ZNF385D: variants seen among roughly 807,000 people sequenced by gnomAD.
The protein encoded by ZNF385D is zinc finger protein 385D.
ZNF385D carries 15 observed loss-of-function variants against 35.8 expected under a neutral mutation model. The observed-to-expected ratio is 0.42, with a 90% CI of 0.28 to 0.64. The LOEUF (loss-of-function observed/expected upper bound fraction) is 0.64. Among genes scored for constraint, ZNF385D ranks in the 30% least tolerant of loss-of-function variants. ZNF385D has a pLI of 0.23. For synonymous variants in ZNF385D, 212 were observed against 186.8 expected, an observed-to-expected ratio of 1.13 and a Z score of -1.10; for missense variants, 474 against 494.6, an observed-to-expected ratio of 0.96 and a Z score of 0.39.
At chr3:21,446,133 A>T (rs547813631) in intron 4 of ZNF385D, among the ~76,000 whole-genome samples, 1 of 152,200 alleles carries the variant, frequency 6.6e-6, no homozygotes, top group African/African-American at 2.4e-5. Context: ...GAATATTTGC[A>T]TTTCTAACAA....
intron 2 of ZNF385D, among the ~76,000 whole-genome samples, chr3:21,585,903 T>A (rs1335986756): frequency 6.6e-6 from 1 of 152,172 alleles, no homozygotes; most frequent in Non-Finnish European, 1.5e-5. Context: ...GCGCAGTAGC[T>A]CATGTCTGTA....
intron 3 of ZNF385D, among the ~76,000 whole-genome samples, chr3:22,001,393 G>A (rs1472966719): frequency 6.6e-6 from 1 of 151,834 alleles, no homozygotes; most frequent in African/African-American, 2.4e-5. Flanking sequence ...GACAAAGAAA[G>A]TCATTATATA....
intron 2 of ZNF385D, among the ~76,000 whole-genome samples, chr3:21,613,469 GT>G (rs1243163878): frequency 1.3e-5 from 2 of 151,806 alleles, no homozygotes; most frequent in Non-Finnish European, 2.9e-5. Flanking sequence ...TTAGAAGCAG[GT>G]TTTACAAGCA....
intron 2 of ZNF385D, among the ~76,000 whole-genome samples, chr3:22,221,386 C>A (rs1184685445): frequency 6.6e-6 from 1 of 151,982 alleles, no homozygotes; most frequent in Non-Finnish European, 1.5e-5. Context: ...CATATATACC[C>A]CCCCACCTCA....
chr3:21,484,901 G>A (rs1194369092), intron 4 of ZNF385D, among the ~76,000 whole-genome samples: 1 of 152,046 alleles, frequency 6.6e-6, no homozygotes, highest in Non-Finnish European at 1.5e-5. Context: ...TGCCCAGACC[G>A]GCATATATAG....
chr3:21,955,988 C>T (rs1479966), intron 3 of ZNF385D, among the ~76,000 whole-genome samples: 103,682 of 151,826 alleles, frequency 0.68, 36,531 homozygotes, highest in Non-Finnish European at 0.77. Context: ...GTATATGAAA[C>T]GAGCTTGGAA....
chr3:22,164,488 A>C (rs1706183325), intron 3 of ZNF385D, among the ~76,000 whole-genome samples: 1 of 151,832 alleles, frequency 6.6e-6, no homozygotes, highest in Non-Finnish European at 1.5e-5. Context: ...TGATCTCCCA[A>C]AGTGCTAGGA....
chr3:22,045,598 T>C lies in ZNF385D; in HGVS notation c.325+123219A>G, dbSNP rs1435302157. On this transcript the variant is annotated intron_variant, in intron 3 of 5. Transcript: ENST00000494108. ...CTTTTCACCCTTAACAGCACCCGCA[T>C]AGTGTAGACAGTTTTCTGTGGGTTT... 1.2e-4 allele frequency among the ~76,000 whole-genome samples: 18 copies of C among 152,328 alleles called. 1 individual carries two copies. In the South Asian group the frequency reaches 3.5e-3, roughly 30 times the overall value.
rs142410103 is a variant in ZNF385D, at chr3:21,654,671, G to T, written c.165+10215C>A. On this transcript the variant is annotated intron_variant, in intron 2 of 7. Coordinates refer to ENST00000281523, the MANE Select transcript of ZNF385D (RefSeq NM_024697.3). ...TACTTTTATAAAATACAATAAAAATGAGTTATCAGAAAAAATAAAATGAAA... is the reference window on the plus strand; with the variant it reads ...TACTTTTATAAAATACAATAAAAATTAGTTATCAGAAAAAATAAAATGAAA... Among the ~76,000 whole-genome samples the T allele has an allele frequency of 2.1e-3, 325 of 152,124 alleles. 1 individual carries two copies. The highest frequency in any genetic ancestry group is 3.7e-3 in the Non-Finnish European group (250 of 67,944).
At chr3:22,335,611 C>A (rs1695127957) in intron 2 of ZNF385D, among the ~76,000 whole-genome samples, 1 of 152,142 alleles carries the variant, frequency 6.6e-6, no homozygotes, top group Non-Finnish European at 1.5e-5. Flanking sequence ...CTCACTGCAA[C>A]AGGTAATAAA....
chr3:22,162,968 A>T (rs1706065371), intron 3 of ZNF385D, among the ~76,000 whole-genome samples: 1 of 152,198 alleles, frequency 6.6e-6, no homozygotes, highest in South Asian at 2.1e-4. Context: ...TAAGAAAAGC[A>T]GGACATAGTA....
At chr3:22,020,911 T>A (rs755084810) in intron 3 of ZNF385D, among the ~76,000 whole-genome samples, 1 of 151,954 alleles carries the variant, frequency 6.6e-6, no homozygotes, top group South Asian at 2.1e-4. Flanking sequence ...AAGGAAAATA[T>A]GGCATATATA....
At chr3:21,718,530 T>G (rs1454329180) in intron 1 of ZNF385D, among the ~76,000 whole-genome samples, 1 of 152,222 alleles carries the variant, frequency 6.6e-6, no homozygotes, top group Admixed American at 6.5e-5. Flanking sequence ...TTATCTTATT[T>G]AATCCTCTCA....
chr3:21,578,937 T>C (rs1422676481), intron 2 of ZNF385D, among the ~76,000 whole-genome samples: 1 of 152,192 alleles, frequency 6.6e-6, no homozygotes, highest in Non-Finnish European at 1.5e-5. Context: ...ATTATCTTAA[T>C]ATCTATGGAG....
At chr3:21,643,749 G>A (rs573790730) in intron 2 of ZNF385D, among the ~76,000 whole-genome samples, 134 of 152,212 alleles carry the variant, frequency 8.8e-4, no homozygotes, top group African/African-American at 3.1e-3. Flanking sequence ...CTGAAAGTGA[G>A]GTGATCCGCC....
At chr3:22,226,342 AACAG>A (rs1470666526) in intron 2 of ZNF385D, among the ~76,000 whole-genome samples, 2 of 152,040 alleles carry the variant, frequency 1.3e-5, no homozygotes, top group African/African-American at 4.8e-5. Context: ...TAGAGTCATA[AACAG>A]ACAATGGGAA....
chr3:21,637,619 T>C (rs898171389), intron 2 of ZNF385D, among the ~76,000 whole-genome samples: 4 of 152,042 alleles, frequency 2.6e-5, no homozygotes, highest in African/African-American at 9.7e-5. Context: ...TGTTCTTAAA[T>C]ACTGTAGAAC....
chr3:21,926,424 G>C (rs577230197), intron 3 of ZNF385D, among the ~76,000 whole-genome samples: 3 of 152,130 alleles, frequency 2.0e-5, no homozygotes, highest in East Asian at 3.9e-4. Flanking sequence ...TGAGAATGAT[G>C]GTTTCCAGCT....
At chr3:22,105,129 A>C (rs1436649920) in intron 3 of ZNF385D, among the ~76,000 whole-genome samples, 1 of 152,178 alleles carries the variant, frequency 6.6e-6, no homozygotes, top group African/African-American at 2.4e-5. Context: ...TAATGTACTT[A>C]TCTATTTACA....
Sources: allele counts gnomAD v4.1 joint callset (sites outside exome capture counted in the v4.1 genomes callset), GRCh38; gene constraint gnomAD v4.1.1; transcripts MANE v1.5; gene names NCBI Gene and HGNC (gene_info 2026-07-23, HGNC 2026-07-21).